Variants in CATSPERD observed in about 807,000 individuals in gnomAD.
CATSPERD encodes the protein cation channel sperm-associated auxiliary subunit delta.
In CATSPERD, 86 loss-of-function variants were observed where a neutral mutation model predicts 98.1. That is an observed-to-expected ratio of 0.88 (90% CI 0.74 to 1.05). The LOEUF (loss-of-function observed/expected upper bound fraction) is 1.05, where lower values mean the gene tolerates loss of function less well. CATSPERD is among the 50% of genes least tolerant of loss of function. The probability of loss-of-function intolerance (pLI) is 0.00; values close to 1 mark genes in which losing one functional copy is unlikely to be tolerated. For synonymous variants in CATSPERD, 394 were observed against 390.2 expected (o/e 1.01, Z -0.12); for missense variants, 995 against 1,005.7 (o/e 0.99, Z 0.14).
intron 10 of CATSPERD, among the ~76,000 whole-genome samples, chr19:5,748,728 CT>C (rs527796326): frequency 3.8e-4 from 36 of 94,106 alleles, no homozygotes; most frequent in African/African-American, 1.1e-3. Context: ...TCATATTATT[CT>C]TTTTTTTTTT....
intron 14 of CATSPERD, 134 bp downstream of exon 14, chr19:5,758,066 A>T (rs2056360890): frequency 1.5e-5 from 10 of 663,720 alleles, no homozygotes; most frequent in Non-Finnish European, 2.5e-5. Context: ...TGGGAAGATG[A>T]TCAGGCAGCC....
chr19:5,766,183 G>C (rs1385436517), intron 17 of CATSPERD, 28 bp downstream of exon 17: 1 of 1,601,560 alleles, frequency 6.2e-7, no homozygotes, highest in Non-Finnish European at 8.5e-7. Context: ...GGGCACCATG[G>C]CTCATTCCTG....
Position 5,768,044 on chromosome 19 carries a change from C to T in CATSPERD, c.1560-124C>T, listed in dbSNP as rs149331429. On this transcript the variant is annotated intron_variant, in intron 17 of 21. Transcript: ENST00000381624. The stretch of plus-strand genomic sequence containing the variant: ...AACTCCTGACCTCAGGTGATCCGCC[C>T]GCCTCAGCTCCCAAAGTGCTGGGCC... 989 of 666,840 alleles carry T rather than the reference C, an allele frequency of 1.5e-3. 11 individuals are homozygous for T. Among genetic ancestry groups the T allele is most frequent in the South Asian group, 0.014 (726 of 50,424 alleles). The allele number at this position is 666,840 out of a possible 1,614,324, so 41.3% of individuals were successfully genotyped here. A position where few individuals can be genotyped will look rare whatever the true frequency, so the allele number is the denominator to read the frequency against.
intron 15 of CATSPERD, 44 bp from the exon 16 acceptor site, chr19:5,763,169 TAC>T: frequency 6.9e-7 from 1 of 1,450,986 alleles, no homozygotes; most frequent in Non-Finnish European, 9.7e-7. Flanking sequence ...CTGTGTCGTT[TAC>T]AGGGGTGCTA....
chr19:5,760,980 T>A (rs2056422474), intron 15 of CATSPERD, among the ~76,000 whole-genome samples: 1 of 152,032 alleles, frequency 6.6e-6, no homozygotes, highest in African/African-American at 2.4e-5. Context: ...GAAAGCCTTC[T>A]ATCGAGTTTT....
intron 1 of CATSPERD, among the ~76,000 whole-genome samples, chr19:5,724,364 C>A (rs1568337502): frequency 6.6e-6 from 1 of 151,932 alleles, no homozygotes; most frequent in Non-Finnish European, 1.5e-5. Flanking sequence ...CGCCCAGCCT[C>A]ATCCAATTTT....
At chr19:5,771,424 G>A (rs1182106094) in intron 19 of CATSPERD, among the ~76,000 whole-genome samples, 1 of 152,068 alleles carries the variant, frequency 6.6e-6, no homozygotes, top group East Asian at 1.9e-4. Flanking sequence ...AATTAGCAGA[G>A]ATTTGGTTTC....
At position 5,771,085 on chromosome 19, in the gene CATSPERD, G is replaced by C. The variant is rs751182583; in HGVS notation, c.1763+13G>C. The C allele has an allele frequency of 1.9e-6, 3 of 1,610,834 alleles. No homozygotes were observed. The highest frequency in any genetic ancestry group is 4.5e-5 in the East Asian group (2 of 44,812). Reference sequence around the variant, plus strand: ...CCGTGGTGGAGCTGTAAGACCCCAGGGGGGTGCTGCAGGGTGGGGACGGTG... The same window carrying C: ...CCGTGGTGGAGCTGTAAGACCCCAGCGGGGTGCTGCAGGGTGGGGACGGTG... On this transcript the variant is annotated intron_variant, in intron 19 of 21. Transcript: ENST00000381624.
intron 3 of CATSPERD, among the ~76,000 whole-genome samples, chr19:5,727,756 C>T (rs892530437): frequency 4.6e-5 from 7 of 152,046 alleles, no homozygotes; most frequent in Non-Finnish European, 7.4e-5. Context: ...TTAGCATGCA[C>T]GTGAGTTCGT....
intron 1 of CATSPERD, among the ~76,000 whole-genome samples, chr19:5,724,515 T>A (rs1218754052): frequency 1.3e-5 from 2 of 152,036 alleles, no homozygotes; most frequent in African/African-American, 4.8e-5. Flanking sequence ...CTGGCCAATG[T>A]GGTGAAACCC....
intron 4 of CATSPERD, among the ~76,000 whole-genome samples, chr19:5,731,811 A>G (rs2055730965): frequency 1.3e-5 from 2 of 150,838 alleles, no homozygotes; most frequent in East Asian, 2.0e-4. Context: ...TCCTGACCTC[A>G]TGATCCACCC....
intron 1 of CATSPERD, among the ~76,000 whole-genome samples, chr19:5,721,088 T>A (rs1262308274): frequency 6.7e-6 from 1 of 148,752 alleles, no homozygotes; most frequent in Non-Finnish European, 1.5e-5. Flanking sequence ...AAGCTCCGCC[T>A]CCCGGATTCA....
chr19:5,736,306 T>C (rs2055844209), intron 5 of CATSPERD, among the ~76,000 whole-genome samples: 1 of 152,008 alleles, frequency 6.6e-6, no homozygotes. Flanking sequence ...TGGCATTGAG[T>C]GGTGGGTAGA....
At chr19:5,741,273 ACT>A (rs1021873991) in intron 7 of CATSPERD, among the ~76,000 whole-genome samples, 19 of 151,978 alleles carry the variant, frequency 1.3e-4, no homozygotes, top group African/African-American at 4.4e-4. Flanking sequence ...GGAACTTCAG[ACT>A]CTAACTGTCT....
In CATSPERD at chr19:5,747,610, CTTTTTTT is replaced by C. The variant is rs10603074; in HGVS notation, c.809-536_809-530del. On this transcript the variant is annotated intron_variant, in intron 9 of 21. Coordinates refer to ENST00000381624, the MANE Select transcript of CATSPERD (RefSeq NM_152784.4). ...GGGATCTGGTTTTCTTTTTTCTTTT[CTTTTTTT>C]TTTTTTTTTTTTTGAGATGGAGTCT... Among the ~76,000 whole-genome samples the C allele has an allele frequency of 8.2e-3, 715 of 87,636 alleles. 8 individuals are homozygous for C. The highest frequency in any genetic ancestry group is 0.013 in the Non-Finnish European group (562 of 43,606). The allele number at this position is 87,636 out of a possible 152,430, so 57.5% of individuals were successfully genotyped here. A position where few individuals can be genotyped will look rare whatever the true frequency, so the allele number is the denominator to read the frequency against.
At chr19:5,748,334 C>G in intron 10 of CATSPERD, 79 bp downstream of exon 10, 1 of 1,351,560 alleles carries the variant, frequency 7.4e-7, no homozygotes, top group Non-Finnish European at 1.1e-6. Context: ...CCCAACCCAG[C>G]CAAAACACGA....
In CATSPERD at chr19:5,778,372, G is replaced by A. The variant is rs755397011; in HGVS notation, c.2097-4G>A. 38 of 1,595,668 alleles carry A rather than the reference G, an allele frequency of 2.4e-5. No individual in the cohort carries two copies. The highest frequency in any genetic ancestry group is 2.7e-5 in the African/African-American group (2 of 74,518). ...CAGCCTCTCCCCGCCTCCCCCCACC[G>A]CAGCTACTGTCAACTGGAGACCATC... On this transcript the variant is annotated splice_region_variant and splice_polypyrimidine_tract_variant and intron_variant, in intron 21 of 21. Coordinates refer to ENST00000381624, the MANE Select transcript of CATSPERD (RefSeq NM_152784.4).
chr19:5,737,850 CAAAAAA>C (rs560043195), intron 6 of CATSPERD, among the ~76,000 whole-genome samples: 1 of 110,966 alleles, frequency 9.0e-6, no homozygotes, highest in African/African-American at 3.3e-5. Flanking sequence ...AACTCCATCT[CAAAAAA>C]AAAAAAAAGA....
chr19:5,726,317 G>T (rs1462354008), intron 2 of CATSPERD, among the ~76,000 whole-genome samples: 2 of 152,024 alleles, frequency 1.3e-5, no homozygotes, highest in African/African-American at 4.8e-5. Context: ...GCCCACCTCG[G>T]CCTCCCAAAG....
Sources: allele counts gnomAD v4.1 joint callset (sites outside exome capture counted in the v4.1 genomes callset), GRCh38; gene constraint gnomAD v4.1.1; transcripts MANE v1.5; gene names NCBI Gene and HGNC (gene_info 2026-07-23, HGNC 2026-07-21).